The following GALNTL6 variants were observed in gnomAD, a reference collection of about 807,000 sequenced individuals.
The protein encoded by GALNTL6 is polypeptide N-acetylgalactosaminyltransferase-like 6.
GALNTL6 carries 46 observed loss-of-function variants against 73.7 expected under a neutral mutation model. That is an observed-to-expected ratio of 0.62 (90% CI 0.49 to 0.80). The LOEUF is 0.80. Ranked by LOEUF, GALNTL6 falls within the 30% of genes least tolerant of loss-of-function variation. The pLI is 0.00. For synonymous variants in GALNTL6, 259 were observed against 263.7 expected (o/e 0.98, Z 0.17); for missense variants, 604 against 755.0 (o/e 0.80, Z 2.34).
At chr4:172,997,782 C>A (rs970600854) in intron 10 of GALNTL6, among the ~76,000 whole-genome samples, 6 of 152,184 alleles carry the variant, frequency 3.9e-5, no homozygotes, top group Non-Finnish European at 7.4e-5. Flanking sequence ...GAGATGGACA[C>A]CGTAAATACC....
chr4:172,401,440 G>T (rs1455880736), intron 5 of GALNTL6, among the ~76,000 whole-genome samples: 1 of 152,000 alleles, frequency 6.6e-6, no homozygotes, highest in Non-Finnish European at 1.5e-5. Context: ...TGTTAGATTT[G>T]TTATGGTCAT....
intron 5 of GALNTL6, among the ~76,000 whole-genome samples, chr4:172,370,344 C>T (rs111291233): frequency 3.2e-4 from 49 of 152,068 alleles, no homozygotes; most frequent in Non-Finnish European, 5.6e-4. Context: ...ATGGCTGCCA[C>T]GGGACCTAGA....
At chr4:172,306,260 G>A (rs1270726186) in intron 3 of GALNTL6, among the ~76,000 whole-genome samples, 2 of 152,020 alleles carry the variant, frequency 1.3e-5, no homozygotes, top group Non-Finnish European at 2.9e-5. Flanking sequence ...ATGGTGGCAG[G>A]TGCCTGTAAT....
At chr4:172,309,228 C>T (rs1003659533) in intron 3 of GALNTL6, among the ~76,000 whole-genome samples, 1 of 151,740 alleles carries the variant, frequency 6.6e-6, no homozygotes, top group Non-Finnish European at 1.5e-5. Flanking sequence ...GCTGTCAGGG[C>T]TATTGAATTT....
intron 2 of GALNTL6, among the ~76,000 whole-genome samples, chr4:172,017,504 C>T (rs910483425): frequency 2.0e-5 from 3 of 152,070 alleles, no homozygotes; most frequent in African/African-American, 7.2e-5. Flanking sequence ...GTCTGCAGTA[C>T]AGTGCCAGGG....
intron 5 of GALNTL6, among the ~76,000 whole-genome samples, chr4:172,461,780 G>A (rs1732629425): frequency 6.6e-6 from 1 of 152,172 alleles, no homozygotes; most frequent in South Asian, 2.1e-4. Context: ...AAAGATCAAA[G>A]AGTGGAACTA....
intron 2 of GALNTL6, among the ~76,000 whole-genome samples, chr4:171,984,643 G>T (rs1553980259): frequency 6.6e-6 from 1 of 152,140 alleles, no homozygotes; most frequent in Non-Finnish European, 1.5e-5. Context: ...CTGCTGAAGA[G>T]ACAGTAAAAG....
At chr4:172,890,317 T>A (rs1745965389) in intron 8 of GALNTL6, among the ~76,000 whole-genome samples, 1 of 152,162 alleles carries the variant, frequency 6.6e-6, no homozygotes. Flanking sequence ...GTGTTTTTGT[T>A]TTTCTAGTTC....
chr4:172,564,438 T>A (rs964642292), intron 5 of GALNTL6, among the ~76,000 whole-genome samples: 6 of 152,192 alleles, frequency 3.9e-5, no homozygotes, highest in Non-Finnish European at 7.3e-5. Context: ...ATAAATGTAT[T>A]TTCTACTGTT....
intron 2 of GALNTL6, among the ~76,000 whole-genome samples, chr4:171,951,466 A>G (rs1307182241): frequency 1.3e-5 from 2 of 152,198 alleles, no homozygotes; most frequent in African/African-American, 4.8e-5. Flanking sequence ...GGGAGATTTT[A>G]GCAAATAGTT....
chr4:172,253,221 T>C (rs1737944136), intron 3 of GALNTL6, among the ~76,000 whole-genome samples: 1 of 151,888 alleles, frequency 6.6e-6, no homozygotes, highest in African/African-American at 2.4e-5. Context: ...TGTCATAGAA[T>C]TTGGAAAAAT....
intron 12 of GALNTL6, among the ~76,000 whole-genome samples, chr4:173,033,147 T>G (rs1444058389): frequency 6.6e-6 from 1 of 152,162 alleles, no homozygotes; most frequent in African/African-American, 2.4e-5. Flanking sequence ...ATTACAGGCA[T>G]GCGCCACCAT....
chr4:172,462,264 C>A (rs918050733), intron 5 of GALNTL6, among the ~76,000 whole-genome samples: 2 of 152,104 alleles, frequency 1.3e-5, no homozygotes, highest in Non-Finnish European at 2.9e-5. Flanking sequence ...ATATCTATAC[C>A]TATATATCCA....
intron 5 of GALNTL6, among the ~76,000 whole-genome samples, chr4:172,711,322 T>C (rs1170853181): frequency 6.6e-6 from 1 of 152,108 alleles, no homozygotes; most frequent in Non-Finnish European, 1.5e-5. Context: ...CGTATAGAGA[T>C]TACTGCGGCT....
At chr4:172,523,082 G>A (rs1365247459) in intron 5 of GALNTL6, among the ~76,000 whole-genome samples, 1 of 152,064 alleles carries the variant, frequency 6.6e-6, no homozygotes, top group Non-Finnish European at 1.5e-5. Flanking sequence ...TTGTCTCTTT[G>A]TTGGATTTGC....
At chr4:172,759,353 G>A (rs550400910) in intron 5 of GALNTL6, among the ~76,000 whole-genome samples, 3 of 152,348 alleles carry the variant, frequency 2.0e-5, no homozygotes, top group East Asian at 3.9e-4. Flanking sequence ...TGGCCAGTGA[G>A]ATGGAAGCAG....
chr4:172,232,821 T>G (rs1737114394), intron 3 of GALNTL6, among the ~76,000 whole-genome samples: 1 of 152,302 alleles, frequency 6.6e-6, no homozygotes, highest in East Asian at 1.9e-4. Flanking sequence ...GTTCTTCCTT[T>G]TTGGTAAAAG....
intron 5 of GALNTL6, among the ~76,000 whole-genome samples, chr4:172,801,312 G>T (rs749210101): frequency 1.3e-5 from 2 of 151,998 alleles, no homozygotes; most frequent in Non-Finnish European, 2.9e-5. Context: ...TCTATTATTT[G>T]CCTCTTCCCA....
Position 172,103,502 on chromosome 4 carries a change from C to T in GALNTL6, c.139-126154C>T, listed in dbSNP as rs543602233. Among the ~76,000 whole-genome samples the T allele has an allele frequency of 3.3e-5, 5 of 152,278 alleles. No homozygotes were observed. In the East Asian group the frequency reaches 9.6e-4, roughly 29 times the overall value. On this transcript the variant is annotated intron_variant, in intron 2 of 12. Transcript: ENST00000506823. ...GATGTACAGTCACTCCTTGCCTATT[C>T]TCCAGTTATATCAGCCCTTGCCCTG...
Sources: gnomAD v4.1 joint callset for allele counts (sites outside exome capture counted in the v4.1 genomes callset) on GRCh38, gnomAD v4.1.1 for gene constraint, MANE v1.5 for transcripts, NCBI Gene and HGNC (gene_info 2026-07-23, HGNC 2026-07-21) for gene names.